LYST: variants seen among roughly 807,000 people sequenced by gnomAD.
The protein encoded by LYST is lysosomal-trafficking regulator.
Under a neutral mutation model 413.6 loss-of-function variants are expected in LYST, and 192 were observed. That is an observed-to-expected ratio of 0.46 (90% CI 0.41 to 0.52). LYST has a LOEUF of 0.52. Ranked by LOEUF, LYST falls within the 20% of genes least tolerant of loss-of-function variation. The probability of loss-of-function intolerance (pLI) is 0.00; values close to 1 mark genes in which losing one functional copy is unlikely to be tolerated. For missense variants in LYST, 3,815 were observed against 4,499.9 expected, an observed-to-expected ratio of 0.85 and a Z score of 4.35; for synonymous variants, 1,525 against 1,567.3, an observed-to-expected ratio of 0.97 and a Z score of 0.64.
chr1:235,702,501 C>T (rs887342396), intron 45 of LYST, among the ~76,000 whole-genome samples: 4 of 152,200 alleles, frequency 2.6e-5, no homozygotes, highest in Admixed American at 2.6e-4. Flanking sequence ...CTCTCTGCTC[C>T]CTGAGGGAGG....
chr1:235,741,136 A>C (rs557174374), intron 31 of LYST, among the ~76,000 whole-genome samples: 1 of 152,344 alleles, frequency 6.6e-6, no homozygotes, highest in African/African-American at 2.4e-5. Flanking sequence ...ACAATCCTTA[A>C]ATAAAACACT....
intron 1 of LYST, among the ~76,000 whole-genome samples, chr1:235,838,776 T>C (rs535903950): frequency 3.5e-4 from 54 of 152,310 alleles, no homozygotes; most frequent in Non-Finnish European, 6.8e-4. Flanking sequence ...CTCCCCAATC[T>C]TGGGCTTCAA....
At chr1:235,684,712 G>A (rs986553551) in intron 48 of LYST, among the ~76,000 whole-genome samples, 1 of 152,066 alleles carries the variant, frequency 6.6e-6, no homozygotes, top group African/African-American at 2.4e-5. Context: ...TCGACCTTCT[G>A]GGCTCAAGTG....
chr1:235,831,581 C>T (rs985524370), intron 2 of LYST, among the ~76,000 whole-genome samples: 1 of 152,112 alleles, frequency 6.6e-6, no homozygotes, highest in East Asian at 1.9e-4. Flanking sequence ...CAGAGAAATT[C>T]CTAATACTAC....
At chr1:235,672,297 T>C (rs1361966182) in intron 50 of LYST, among the ~76,000 whole-genome samples, 1 of 152,086 alleles carries the variant, frequency 6.6e-6, no homozygotes, top group Non-Finnish European at 1.5e-5. Flanking sequence ...TTGGATAAGA[T>C]CACCTAGTAC....
chr1:235,682,214 G>A (rs946110003), intron 48 of LYST, among the ~76,000 whole-genome samples: 3 of 152,098 alleles, frequency 2.0e-5, no homozygotes, highest in African/African-American at 7.2e-5. Context: ...GTAGGGGGTC[G>A]GGGATGGGGC....
intron 1 of LYST, among the ~76,000 whole-genome samples, chr1:235,860,659 G>C (rs1679759769): frequency 6.6e-6 from 1 of 152,022 alleles, no homozygotes; most frequent in African/African-American, 2.4e-5. Flanking sequence ...TCTTTTCATG[G>C]TCAAGCCACT....
At chr1:235,716,187 G>A (rs548859697) in intron 41 of LYST, among the ~76,000 whole-genome samples, 1 of 152,292 alleles carries the variant, frequency 6.6e-6, no homozygotes, top group South Asian at 2.1e-4. Context: ...TACTCGTGAA[G>A]AATGTAATGC....
rs71174466 is a variant in LYST at position 235,882,078 on chromosome 1, T to TCACACACACA, written n.454+1099_454+1108dup. On this transcript the variant is annotated intron_variant and non_coding_transcript_variant, in intron 1 of 11. Transcript: ENST00000465349. ...CACATACACACACACACTCTTTCTTTCACACACACACACACACACACACAC... is the reference window on the plus strand; with the variant it reads ...CACATACACACACACACTCTTTCTTTCACACACACACACACACACACACACACACACACAC... 2.5e-3 allele frequency among the ~76,000 whole-genome samples: 363 copies of TCACACACACA among 145,836 alleles called. 3 individuals carry two copies. The highest frequency in any genetic ancestry group is 9.4e-3 in the East Asian group (47 of 4,982).
At chr1:235,670,309 C>T (rs1466676651) in intron 50 of LYST, among the ~76,000 whole-genome samples, 1 of 152,240 alleles carries the variant, frequency 6.6e-6, no homozygotes, top group Non-Finnish European at 1.5e-5. Context: ...AAAAACTTTT[C>T]TCTCCTTTGT....
At chr1:235,693,557 C>G (rs1208887355) in intron 46 of LYST, 71 bp from the exon 47 acceptor site, 1 of 1,572,434 alleles carries the variant, frequency 6.4e-7, no homozygotes, top group East Asian at 2.2e-5. Flanking sequence ...CCAAAACTGG[C>G]AGATTAAAGG....
At chr1:235,677,645 A>AT in intron 48 of LYST, 26 bp from the exon 49 acceptor site, 1 of 1,595,156 alleles carries the variant, frequency 6.3e-7, no homozygotes, top group South Asian at 1.1e-5. Flanking sequence ...TAAGTATGAG[A>AT]TAAAAACCAC....
intron 15 of LYST, 34 bp downstream of exon 15, chr1:235,781,893 C>G: frequency 7.1e-7 from 1 of 1,414,266 alleles, no homozygotes; most frequent in Non-Finnish European, 1.0e-6. Flanking sequence ...GTCGCCCAGG[C>G]TGAAGTGCAG....
chr1:235,805,053 C>T (rs1572321676), intron 6 of LYST, among the ~76,000 whole-genome samples: 2 of 152,118 alleles, frequency 1.3e-5, no homozygotes, highest in Admixed American at 1.3e-4. Context: ...GAGGCTGGAA[C>T]TGAAGTAGGA....
rs1666447810 is a variant in LYST, at chr1:235,751,094, C to A, written c.7780+116G>T. 5.7e-6 allele frequency: 6 copies of A among 1,061,664 alleles called. No homozygotes were observed. In the East Asian group the frequency reaches 1.5e-4, roughly 27 times the overall value. The allele number at this position is 1,061,664 out of a possible 1,614,324, so 65.8% of individuals were successfully genotyped here. ...AGAATAGTTTCCTTCAGGAAAAAAT[C>A]TTTCTTAAATTTTATGTAAAACAAG... On this transcript the variant is annotated intron_variant, in intron 28 of 52. Coordinates refer to ENST00000389793, the MANE Select transcript of LYST (RefSeq NM_000081.4).
rs755770613 is a variant in LYST at position 235,664,100 on chromosome 1, C to G, written c.11196-45G>C. On this transcript the variant is annotated intron_variant, in intron 51 of 52. Coordinates refer to ENST00000389793, the MANE Select transcript of LYST (RefSeq NM_000081.4). This position sits in a 1 kb window ranked among gnomAD's most constrained non-coding sequence, Gnocchi z 4.5. ...TCTAATTATGCAAACTAAAATTACT[C>G]TCCCTAAAAAGCCCTCTATATTTGT... 7.2e-7 allele frequency: 1 copy of G among 1,398,236 alleles called. No homozygotes were observed. Among genetic ancestry groups the G allele is most frequent in the Admixed American group, 1.7e-5 (1 of 59,730 alleles). The allele number at this position is 1,398,236 out of a possible 1,614,324, so 86.6% of individuals were successfully genotyped here. A position where few individuals can be genotyped will look rare whatever the true frequency, so the allele number is the denominator to read the frequency against.
intron 45 of LYST, among the ~76,000 whole-genome samples, chr1:235,700,735 CA>C (rs1331250088): frequency 3.3e-5 from 5 of 152,074 alleles, no homozygotes; most frequent in Admixed American, 2.6e-4. Context: ...TGCAGCAAAC[CA>C]AACCTTAAAG....
intron 37 of LYST, among the ~76,000 whole-genome samples, chr1:235,728,940 A>C (rs1404816066): frequency 6.6e-6 from 1 of 152,264 alleles, no homozygotes; most frequent in East Asian, 1.9e-4. Flanking sequence ...CCACCCTCAG[A>C]ATTTCAGATT....
intron 42 of LYST, chr1:235,712,704 C>A (rs961851167): frequency 1.0e-6 from 1 of 984,762 alleles, no homozygotes; most frequent in Non-Finnish European, 1.2e-6. Flanking sequence ...CGGGGGGGTG[C>A]GTAGGTTACG....
Sources: gnomAD v4.1 joint callset for allele counts (sites outside exome capture counted in the v4.1 genomes callset) on GRCh38, gnomAD v4.1.1 for gene constraint, Gnocchi (gnomAD v3.1) non-coding constraint, MANE v1.5 for transcripts, NCBI Gene and HGNC (gene_info 2026-07-23, HGNC 2026-07-21) for gene names.